MYO7B: variants seen among roughly 807,000 people sequenced by gnomAD.
The protein encoded by MYO7B is unconventional myosin-VIIb.
A neutral mutation model predicts 259.7 loss-of-function variants in MYO7B; 212 were observed. The ratio of observed to expected loss-of-function variants is 0.82; its 90% CI spans 0.73 to 0.91. The LOEUF (loss-of-function observed/expected upper bound fraction) is 0.91, where lower values mean the gene tolerates loss of function less well. Ranked by LOEUF, MYO7B falls within the 40% of genes least tolerant of loss-of-function variation. The pLI is 0.00. For missense variants in MYO7B, 2,732 were observed against 2,813.5 expected (o/e 0.97, Z 0.66); for synonymous variants, 1,197 against 1,166.4 (o/e 1.03, Z -0.54).
Position 127,628,240 on chromosome 2 carries a change from C to A in MYO7B, c.4461-132C>A. 8.8e-7 allele frequency: 1 copy of A among 1,130,014 alleles called. No individual in the cohort carries two copies. Among genetic ancestry groups the A allele is most frequent in the Non-Finnish European group, 1.3e-6 (1 of 777,058 alleles). 70.0% of individuals were successfully genotyped at this position (1,130,014 alleles called of 1,614,324 possible). The stretch of plus-strand genomic sequence containing the variant: ...ACCCACAGTGGTGTCTGGCCTAGTC[C>A]TGGCCCTGGCAGAGCAGCTCTGTGT... On this transcript the variant is annotated intron_variant, in intron 33 of 47. Transcript: ENST00000409816. The surrounding 1 kb of genome is among the most constrained non-coding windows in gnomAD (Gnocchi z 4.8).
chr2:127,565,472 G>A (rs1177787969), intron 4 of MYO7B, 87 bp downstream of exon 4: 4 of 1,534,784 alleles, frequency 2.6e-6, no homozygotes, highest in East Asian at 4.6e-5. Flanking sequence ...TGCACAGGGG[G>A]CACTGCCCCC....
chr2:127,593,619 C>T lies in MYO7B; in HGVS notation c.2219C>T (p.Ala740Val), dbSNP rs1289806984. The T allele has an allele frequency of 5.6e-6, 9 of 1,613,660 alleles. No individual in the cohort carries two copies. Among genetic ancestry groups the T allele is most frequent in the East Asian group, 2.2e-5 (1 of 44,876 alleles). Residue 740 changes from alanine (A) to valine (V), a missense_variant, in exon 18 of 48, where the codon GCG becomes GTG. Coordinates refer to ENST00000409816, the MANE Select transcript of MYO7B (RefSeq NM_001393586.1). ...CTGCGGACAGACAAAGACTGGAAAG[C>T]GGGGAAGACAAAAATTTTCCTGAGG... Reference protein sequence around the residue: ...VWLRTDKDWKAGKTKIFLRDH... With the variant: ...VWLRTDKDWKVGKTKIFLRDH...
intron 6 of MYO7B, among the ~76,000 whole-genome samples, 162 bp from the exon 7 acceptor site, chr2:127,573,758 C>T (rs1029093611): frequency 6.6e-6 from 1 of 152,204 alleles, no homozygotes; most frequent in African/African-American, 2.4e-5. Context: ...TTTTGTCTTC[C>T]TCTTAGCGGG....
intron 1 of MYO7B, among the ~76,000 whole-genome samples, chr2:127,547,310 G>A (rs1175944259): frequency 1.3e-5 from 2 of 152,184 alleles, no homozygotes; most frequent in African/African-American, 2.4e-5. Flanking sequence ...ATAAAAACAG[G>A]GATAAATGCT....
chr2:127,624,892 G>A (rs1044364428), intron 30 of MYO7B, among the ~76,000 whole-genome samples: 3 of 152,228 alleles, frequency 2.0e-5, no homozygotes, highest in South Asian at 2.1e-4. Flanking sequence ...CATTGGAGGC[G>A]GCCATAGCAG....
intron 43 of MYO7B, 59 bp from the exon 44 acceptor site, chr2:127,635,663 G>A: frequency 1.3e-6 from 2 of 1,518,052 alleles, no homozygotes; most frequent in Non-Finnish European, 1.8e-6. Flanking sequence ...CGGGAAAGAG[G>A]TTGGGGGCGG....
At position 127,627,143 on chromosome 2, in the gene MYO7B, G is replaced by T; in HGVS notation, c.4334-41G>T. The T allele has an allele frequency of 5.6e-6, 9 of 1,604,080 alleles. No individual in the cohort carries two copies. The highest frequency in any genetic ancestry group is 6.0e-6 in the Non-Finnish European group (7 of 1,175,542). Reference sequence around the variant, plus strand: ...GAGCAGGTATGGGCTGGGCACCCAGGGGTCCCATGCAGCCTTCACACTGCC... The same window carrying T: ...GAGCAGGTATGGGCTGGGCACCCAGTGGTCCCATGCAGCCTTCACACTGCC... On this transcript the variant is annotated intron_variant, in intron 32 of 47. Coordinates refer to ENST00000409816, the MANE Select transcript of MYO7B (RefSeq NM_001393586.1). This position sits in a 1 kb window ranked among gnomAD's most constrained non-coding sequence, Gnocchi z 5.6.
At position 127,603,452 on chromosome 2, in the gene MYO7B, T is replaced by C. The variant is rs958189366; in HGVS notation, c.2340-2392T>C. ...ACATTAATCTCCTTGTATGTCTTCA[T>C]CAGAGTTCTTGGGTGGCCGGGTGAA... is the stretch of plus-strand genomic sequence containing the variant. On this transcript the variant is annotated intron_variant, in intron 19 of 47. Coordinates refer to ENST00000409816, the MANE Select transcript of MYO7B (RefSeq NM_001393586.1). Among the ~76,000 whole-genome samples, 10 of 152,386 alleles carry C rather than the reference T, an allele frequency of 6.6e-5. 1 individual carries two copies. Among genetic ancestry groups the C allele is most frequent in the African/African-American group, 1.2e-4 (5 of 41,594 alleles).
At position 127,586,188 on chromosome 2, in the gene MYO7B, T is replaced by G. The variant is rs1031381248; in HGVS notation, c.1690+1275T>G. Among the ~76,000 whole-genome samples the G allele has an allele frequency of 9.9e-5, 15 of 152,160 alleles. No individual in the cohort carries two copies. Among genetic ancestry groups the G allele is most frequent in the African/African-American group, 3.4e-4 (14 of 41,436 alleles). Reference sequence around the variant, plus strand: ...CTTCTAAGATTTTTTTAGTGTTAGTTTTTACGTTAGGTCTTTGACCCATTT... The same window carrying G: ...CTTCTAAGATTTTTTTAGTGTTAGTGTTTACGTTAGGTCTTTGACCCATTT... On this transcript the variant is annotated intron_variant, in intron 14 of 47. Transcript: ENST00000409816. The surrounding 1 kb of genome is among the most constrained non-coding windows in gnomAD (Gnocchi z 4.8).
chr2:127,591,670 G>A (rs1321580992), intron 16 of MYO7B, among the ~76,000 whole-genome samples: 2 of 152,208 alleles, frequency 1.3e-5, no homozygotes, highest in East Asian at 1.9e-4. Context: ...CTGCAGGTGG[G>A]GTAACAGTGC....
Position 127,627,022 on chromosome 2 carries a change from G to A in MYO7B, c.4263G>A (p.Gln1421=). The change falls in exon 32 of 48, where the codon CAG becomes CAA. Residue 1421 remains glutamine, a synonymous_variant. Transcript: ENST00000409816. The surrounding 1 kb of genome is among the most constrained non-coding windows in gnomAD (Gnocchi z 5.6). ...KQVTPLAVRE[Q]VVDAARLQWP... is the part of the protein sequence containing the mutation. ...TCACACCACTGGCCGTGCGAGAGCA[G>A]GTGGTGGACGCCGCCCGCCTGCAGT... 6.2e-7 allele frequency: 1 copy of A among 1,611,342 alleles called. No individual in the cohort carries two copies. Among genetic ancestry groups the A allele is most frequent in the Non-Finnish European group, 8.5e-7 (1 of 1,179,316 alleles).
chr2:127,618,957 A>G (rs915938856), intron 26 of MYO7B, among the ~76,000 whole-genome samples: 28 of 151,260 alleles, frequency 1.9e-4, no homozygotes, highest in Non-Finnish European at 3.7e-4. Context: ...CAGGAGACAG[A>G]TGGTAGCATG....
Position 127,607,502 on chromosome 2 carries a change from C to A in MYO7B, c.2643+78C>A. The A allele has an allele frequency of 7.7e-7, 1 of 1,295,328 alleles. No individual in the cohort carries two copies. Among genetic ancestry groups the A allele is most frequent in the Non-Finnish European group, 1.1e-6 (1 of 933,866 alleles). 80.2% of individuals were successfully genotyped at this position (1,295,328 alleles called of 1,614,324 possible). ...GGTGAGGGCAAGAAGGAGTGAGCGG[C>A]TGTGTAGAGAGCTCACCAGAAGCGC... On this transcript the variant is annotated intron_variant, in intron 21 of 47. Transcript: ENST00000409816. The surrounding 1 kb of genome is among the most constrained non-coding windows in gnomAD (Gnocchi z 4.4).
In MYO7B at chr2:127,564,232, C is replaced by G. The variant is rs1481180392; in HGVS notation, c.98C>G (p.Pro33Arg). 2 of 1,580,156 alleles carry G rather than the reference C, an allele frequency of 1.3e-6. No individual in the cohort carries two copies. Among genetic ancestry groups the G allele is most frequent in the Admixed American group, 3.7e-5 (2 of 54,212 alleles). The change falls in exon 3 of 48, where the codon CCA becomes CGA. Residue 33 changes from proline (P) to arginine (R), a missense_variant. By Grantham distance (103) the Pro-to-Arg change is moderately radical (BLOSUM62 -2). Coordinates refer to ENST00000409816, the MANE Select transcript of MYO7B (RefSeq NM_001393586.1). ...GGGGGCATCATCAAAGAGGCAAAGC[C>G]AGGCAAAGTCTTGGTTGAAGATGAC... ...AIGGIIKEAK[P>R]GKVLVEDDEG...
At position 127,546,352 on chromosome 2, in the gene MYO7B, C is replaced by T. The variant is rs1168918942; in HGVS notation, c.-24+10521C>T. On this transcript the variant is annotated intron_variant, in intron 1 of 47. Transcript: ENST00000409816. The surrounding 1 kb of genome is among the most constrained non-coding windows in gnomAD (Gnocchi z 4.2). Reference sequence around the variant, plus strand: ...GGAAAGTGCCCTGCACACAACCTGGCACTCAGCTGCTTGCCCACTCCAGCC... The same window carrying T: ...GGAAAGTGCCCTGCACACAACCTGGTACTCAGCTGCTTGCCCACTCCAGCC... Among the ~76,000 whole-genome samples the T allele has an allele frequency of 6.6e-6, 1 of 152,224 alleles. No individual in the cohort carries two copies. Among genetic ancestry groups the T allele is most frequent in the Non-Finnish European group, 1.5e-5 (1 of 68,044 alleles).
At position 127,627,429 on chromosome 2, in the gene MYO7B, G is replaced by A. The variant is rs1220185654; in HGVS notation, c.4460+119G>A. 5 of 1,387,376 alleles carry A rather than the reference G, an allele frequency of 3.6e-6. No homozygotes were observed. In the East Asian group the frequency reaches 7.3e-5, roughly 20 times the overall value. The allele number at this position is 1,387,376 out of a possible 1,614,324, so 85.9% of individuals were successfully genotyped here. ...GTCCCGGGTAACAGGCCGGGGTGGA[G>A]GGACAAGAATCTACGTATGCGATGG... On this transcript the variant is annotated intron_variant, in intron 33 of 47. Coordinates refer to ENST00000409816, the MANE Select transcript of MYO7B (RefSeq NM_001393586.1). This position sits in a 1 kb window ranked among gnomAD's most constrained non-coding sequence, Gnocchi z 5.6.
rs1020734230 is a variant in MYO7B, at chr2:127,584,647, TCCTGTCTGTACAAAGGC to T, written c.1555-127_1555-111del. ...AGTCACTGACCCCTGGGCATTAGTT[TCCTGTCTGTACAAAGGC>T]CCTCAATCATTCTGAGCCCAGATCT... On this transcript the variant is annotated intron_variant, in intron 13 of 47. Coordinates refer to ENST00000409816, the MANE Select transcript of MYO7B (RefSeq NM_001393586.1). The surrounding 1 kb of genome is among the most constrained non-coding windows in gnomAD (Gnocchi z 5.8). 8.8e-7 allele frequency: 1 copy of T among 1,132,156 alleles called. No homozygotes were observed. Among genetic ancestry groups the T allele is most frequent in the African/African-American group, 1.6e-5 (1 of 64,268 alleles). 70.1% of individuals were successfully genotyped at this position (1,132,156 alleles called of 1,614,324 possible). A position where few individuals can be genotyped will look rare whatever the true frequency, so the allele number is the denominator to read the frequency against.
In MYO7B at chr2:127,635,170, C is replaced by T. The variant is rs773586807; in HGVS notation, c.5764C>T (p.Leu1922Phe). 6.2e-7 allele frequency: 1 copy of T among 1,613,666 alleles called. No homozygotes were observed. Among genetic ancestry groups the T allele is most frequent in the South Asian group, 1.1e-5 (1 of 91,068 alleles). ...YQVYFMRKLW[L>F]NISPGKDVNA... ...GGTGTACTTCATGCGGAAATTGTGG[C>T]TCAACATATCTCCAGGGAAGGATGT... Residue 1922 changes from leucine to phenylalanine, a missense_variant, in exon 43 of 48, where the codon CTC becomes TTC. Around this residue, in one of 3 missense-constraint regions of MYO7B, gnomAD observed 821 missense variants for 769.3 expected, o/e 1.07. Transcript: ENST00000409816.
At chr2:127,593,772 G>A in intron 18 of MYO7B, 128 bp downstream of exon 18, 6 of 788,968 alleles carry the variant, frequency 7.6e-6, no homozygotes, top group South Asian at 3.3e-5. Flanking sequence ...AGCTCAAAGT[G>A]TGGTCCCCAC....
Sources: allele counts gnomAD v4.1 joint callset (sites outside exome capture counted in the v4.1 genomes callset), GRCh38; gene constraint gnomAD v4.1.1; regional missense constraint gnomAD v4.1.1; non-coding constraint Gnocchi (gnomAD v3.1); transcripts MANE v1.5; gene names NCBI Gene and HGNC (gene_info 2026-07-23, HGNC 2026-07-21).